PCDHA2: variants seen among roughly 807,000 people sequenced by gnomAD.
PCDHA2 encodes the protein protocadherin alpha-2.
A neutral mutation model predicts 66.0 loss-of-function variants in PCDHA2; 58 were observed. That is an observed-to-expected ratio of 0.88 (90% CI 0.71 to 1.09). The LOEUF is 1.09. Ranked by LOEUF, PCDHA2 falls within the 50% of genes least tolerant of loss-of-function variation. The pLI is 0.00. For missense variants in PCDHA2, 1,267 were observed against 1,242.3 expected, an observed-to-expected ratio of 1.02 and a Z score of -0.30; for synonymous variants, 634 against 554.0, an observed-to-expected ratio of 1.14 and a Z score of -2.03.
chr5:140,853,230 G>T, intron 1 of PCDHA2: 1 of 982,608 alleles, frequency 1.0e-6, no homozygotes. Flanking sequence ...TGGTAATTTA[G>T]TCCTTCATAT....
chr5:140,897,677 G>T (rs1390475923), intron 1 of PCDHA2, among the ~76,000 whole-genome samples: 1 of 152,168 alleles, frequency 6.6e-6, no homozygotes, highest in African/African-American at 2.4e-5. Flanking sequence ...ATAGCAGCAT[G>T]ATTTATAGTC....
At chr5:140,911,396 G>C (rs1348303429) in intron 1 of PCDHA2, among the ~76,000 whole-genome samples, 1 of 152,104 alleles carries the variant, frequency 6.6e-6, no homozygotes, top group Non-Finnish European at 1.5e-5. Context: ...TTTCATTGCA[G>C]GTCAGCCACT....
At chr5:140,977,661 CTGCA>C (rs1554238727) in intron 1 of PCDHA2, among the ~76,000 whole-genome samples, 1 of 152,168 alleles carries the variant, frequency 6.6e-6, no homozygotes, top group Non-Finnish European at 1.5e-5. Flanking sequence ...GGCTAATTCT[CTGCA>C]TGCCAAATAT....
intron 3 of PCDHA2, among the ~76,000 whole-genome samples, chr5:140,999,845 T>C (rs1293721817): frequency 6.6e-6 from 1 of 152,188 alleles, no homozygotes; most frequent in African/African-American, 2.4e-5. Context: ...CAAGTGTATT[T>C]ATCTCTTCCG....
At chr5:140,942,382 A>C (rs1341028342) in intron 1 of PCDHA2, among the ~76,000 whole-genome samples, 2 of 152,102 alleles carry the variant, frequency 1.3e-5, no homozygotes, top group African/African-American at 4.8e-5. Context: ...ACTGCATTCC[A>C]GCCTGGGCGA....
At position 140,795,628 on chromosome 5, in the gene PCDHA2, C is replaced by T; in HGVS notation, c.664C>T (p.Leu222Phe). Residue 222 changes from leucine (L) to phenylalanine (F), a missense_variant, in exon 1 of 4, where the codon CTC becomes TTC. Physicochemically the swap from Leu to Phe is conservative, Grantham distance 22. Transcript: ENST00000526136. ...GGCTACTGATGGGGGCAAACCTGAG[C>T]TCACGGGCACCGTTCAAATACTTAT... Reference protein sequence around the residue: ...LVATDGGKPELTGTVQILIKV... With the variant: ...LVATDGGKPEFTGTVQILIKV... 6.2e-7 allele frequency: 1 copy of T among 1,614,146 alleles called. No homozygotes were observed. The highest frequency in any genetic ancestry group is 8.5e-7 in the Non-Finnish European group (1 of 1,180,020).
At chr5:140,823,642 G>C (rs2150127813) in intron 1 of PCDHA2, 2 of 1,614,036 alleles carry the variant, frequency 1.2e-6, no homozygotes, top group South Asian at 2.2e-5. Context: ...CCCGTTCCGC[G>C]TGGGGCTGTA....
intron 1 of PCDHA2, among the ~76,000 whole-genome samples, chr5:140,925,455 T>C (rs1367623051): frequency 6.6e-6 from 1 of 152,106 alleles, no homozygotes; most frequent in Non-Finnish European, 1.5e-5. Flanking sequence ...GGTGTATCTG[T>C]TGTGGCTCAG....
chr5:140,997,698 A>G (rs1587762890), intron 3 of PCDHA2, among the ~76,000 whole-genome samples: 4 of 145,560 alleles, frequency 2.7e-5, no homozygotes, highest in South Asian at 2.2e-4. Context: ...GTGTGTGTGT[A>G]TGTTAACAAA....
intron 1 of PCDHA2, among the ~76,000 whole-genome samples, chr5:140,873,700 A>G (rs1411262715): frequency 3.3e-5 from 5 of 152,202 alleles, no homozygotes; most frequent in African/African-American, 1.2e-4. Flanking sequence ...TTGCTCTATC[A>G]CCCAGGCTGG....
In PCDHA2 at chr5:140,830,011, G is replaced by T. The variant is rs2150179426; in HGVS notation, c.2388+32659G>T. On this transcript the variant is annotated intron_variant, in intron 1 of 3. Coordinates refer to ENST00000526136, the MANE Select transcript of PCDHA2 (RefSeq NM_018905.3). ...GCACCACTCGTGTCCTGGACGAAGC[G>T]GACTCTCCGCGCCACCGGCTGCTGG... The T allele has an allele frequency of 1.1e-5, 17 of 1,613,912 alleles. No individual in the cohort carries two copies. In the East Asian group the frequency reaches 3.6e-4, roughly 34 times the overall value.
chr5:140,807,497 A>T, intron 1 of PCDHA2: 1 of 1,613,722 alleles, frequency 6.2e-7, no homozygotes, highest in African/African-American at 1.3e-5. Flanking sequence ...GGAGTGCAGC[A>T]TCCACCTGGA....
At chr5:140,859,474 T>A (rs1282422046) in intron 1 of PCDHA2, 1 of 210,268 alleles carries the variant, frequency 4.8e-6, no homozygotes, top group East Asian at 1.7e-4. Flanking sequence ...CTATCAATTG[T>A]GTTTTCCTGA....
intron 1 of PCDHA2, among the ~76,000 whole-genome samples, chr5:140,910,040 G>C (rs552041915): frequency 1.3e-5 from 2 of 152,276 alleles, no homozygotes; most frequent in South Asian, 4.2e-4. Context: ...AATCCCACTT[G>C]GTCATAATAA....
intron 1 of PCDHA2, among the ~76,000 whole-genome samples, chr5:140,833,644 A>G (rs1048308500): frequency 1.3e-5 from 2 of 152,196 alleles, no homozygotes; most frequent in African/African-American, 4.8e-5. Context: ...AAAAGTTCAC[A>G]TGATACAAAT....
rs150518215 is a variant in PCDHA2, at chr5:140,883,444, T to G, written c.2388+86092T>G. On this transcript the variant is annotated intron_variant, in intron 1 of 3. Transcript: ENST00000526136. ...AGGTCACCTGCACCTTGACGCCGCATGTCCCCTTCAAGCTGGTGTCCACCT... is the reference window on the plus strand; with the variant it reads ...AGGTCACCTGCACCTTGACGCCGCAGGTCCCCTTCAAGCTGGTGTCCACCT... The G allele has an allele frequency of 2.5e-6, 4 of 1,614,052 alleles. No individual in the cohort carries two copies. In the African/African-American group the frequency reaches 4.0e-5, roughly 16 times the overall value.
chr5:140,994,772 G>C (rs2097648880), intron 3 of PCDHA2, among the ~76,000 whole-genome samples: 2 of 152,118 alleles, frequency 1.3e-5, no homozygotes, highest in Non-Finnish European at 1.5e-5. Context: ...GAGAATTCCA[G>C]GCAAAGGAAA....
At chr5:140,860,259 A>T (rs559860776) in intron 1 of PCDHA2, 1 of 151,706 alleles carries the variant, frequency 6.6e-6, no homozygotes. Flanking sequence ...TTTAGTCCCT[A>T]CTGTAGTGCT....
intron 3 of PCDHA2, 171 bp from the exon 4 acceptor site, chr5:141,009,456 C>CAAAT: frequency 3.2e-6 from 3 of 947,762 alleles, no homozygotes; most frequent in Non-Finnish European, 2.5e-6. Flanking sequence ...AAAAATTAAA[C>CAAAT]AAATAAATAA....
Sources: allele counts gnomAD v4.1 joint callset (sites outside exome capture counted in the v4.1 genomes callset), GRCh38; gene constraint gnomAD v4.1.1; transcripts MANE v1.5; gene names NCBI Gene and HGNC (gene_info 2026-07-23, HGNC 2026-07-21).